ARHGEF26: variants seen among roughly 807,000 people sequenced by gnomAD.
ARHGEF26 encodes Rho guanine nucleotide exchange factor (GEF) 26.
ARHGEF26 carries 59 observed loss-of-function variants against 89.4 expected under a neutral mutation model. That is an observed-to-expected ratio of 0.66 (90% CI 0.54 to 0.82). The LOEUF (loss-of-function observed/expected upper bound fraction) is 0.82. ARHGEF26 is among the 40% of genes least tolerant of loss of function. The pLI is 0.00. For synonymous variants in ARHGEF26, 500 were observed against 428.4 expected, an observed-to-expected ratio of 1.17 and a Z score of -2.06; for missense variants, 1,234 against 1,085.6, an observed-to-expected ratio of 1.14 and a Z score of -1.92.
In ARHGEF26 at chr3:154,256,487, C is replaced by T. The variant is rs1718509948; in HGVS notation, c.*1014C>T. ...GATCCACCAGAGAGGAGATCCTCGG[C>T]CTCCCCAAGTGCTGGGATTATAGGC... On this transcript the variant is annotated 3_prime_UTR_variant, in exon 15 of 15. Coordinates refer to ENST00000465093, the MANE Select transcript of ARHGEF26 (RefSeq NM_015595.4). The T allele has an allele frequency of 1.1e-6, 1 of 927,000 alleles. No homozygotes were observed. Among genetic ancestry groups the T allele is most frequent in the Admixed American group, 6.3e-5 (1 of 15,936 alleles). The allele number at this position is 927,000 out of a possible 1,614,324, so 57.4% of individuals were successfully genotyped here.
intron 4 of ARHGEF26, among the ~76,000 whole-genome samples, chr3:154,141,370 A>G (rs983351532): frequency 6.6e-6 from 1 of 152,192 alleles, no homozygotes; most frequent in Admixed American, 6.5e-5. Context: ...TGGCTCAGCT[A>G]CTTTGCCCCC....
intron 4 of ARHGEF26, among the ~76,000 whole-genome samples, chr3:154,137,200 G>A (rs757627163): frequency 7.2e-5 from 11 of 152,196 alleles, no homozygotes; most frequent in Non-Finnish European, 1.0e-4. Context: ...ATTAACAGCC[G>A]CAGATTACTG....
chr3:154,255,139 C>T (rs139343150), intron 14 of ARHGEF26, among the ~76,000 whole-genome samples, 192 bp from the exon 15 acceptor site: 3 of 152,208 alleles, frequency 2.0e-5, no homozygotes, highest in East Asian at 1.9e-4. Flanking sequence ...CTTCTCACTT[C>T]AGGGCCTCTG....
chr3:154,236,556 G>A (rs1717138561), intron 11 of ARHGEF26, among the ~76,000 whole-genome samples: 1 of 152,306 alleles, frequency 6.6e-6, no homozygotes, highest in East Asian at 1.9e-4. Context: ...TAAACCATAT[G>A]TTTGTTAAAC....
intron 9 of ARHGEF26, among the ~76,000 whole-genome samples, chr3:154,201,839 G>T (rs865829845): frequency 0.041 from 6,196 of 151,972 alleles, 433 homozygotes; most frequent in African/African-American, 0.14. Context: ...TCACCCACTT[G>T]TTGATGGGGT....
intron 3 of ARHGEF26, among the ~76,000 whole-genome samples, chr3:154,125,789 A>G (rs1451153355): frequency 8.6e-5 from 13 of 151,972 alleles, no homozygotes; most frequent in Non-Finnish European, 8.8e-5. Context: ...AATTTTTTTC[A>G]TGTACATACA....
intron 5 of ARHGEF26, among the ~76,000 whole-genome samples, chr3:154,151,550 G>C (rs1272929107): frequency 6.6e-6 from 1 of 152,098 alleles, no homozygotes; most frequent in African/African-American, 2.4e-5. Context: ...TGTATTGATT[G>C]AAAAAATTCA....
chr3:154,209,424 G>A (rs974695098), intron 9 of ARHGEF26, among the ~76,000 whole-genome samples: 1 of 152,130 alleles, frequency 6.6e-6, no homozygotes, highest in African/African-American at 2.4e-5. Flanking sequence ...TTCCAGACAT[G>A]TGAAAGAACT....
chr3:154,226,720 G>A (rs1275934947), intron 11 of ARHGEF26, among the ~76,000 whole-genome samples: 3 of 149,686 alleles, frequency 2.0e-5, no homozygotes, highest in Admixed American at 1.3e-4. Flanking sequence ...CCTTTCTCTA[G>A]GGAACATACT....
intron 6 of ARHGEF26, among the ~76,000 whole-genome samples, chr3:154,170,667 G>A (rs1489795995): frequency 6.6e-6 from 1 of 152,150 alleles, no homozygotes; most frequent in African/African-American, 2.4e-5. Context: ...CTACTTCTTT[G>A]GGTTATTATG....
rs1265372569 is a variant in ARHGEF26 at position 154,129,644 on chromosome 3, C to T, written c.1194C>T (p.Pro398=). 16 of 1,611,586 alleles carry T rather than the reference C, an allele frequency of 9.9e-6. No individual in the cohort carries two copies. The highest frequency in any genetic ancestry group is 1.4e-5 in the Non-Finnish European group (16 of 1,178,850). The change falls in exon 4 of 15, where the codon CCC becomes CCT. Residue 398 remains proline (P), a synonymous_variant. Coordinates refer to ENST00000465093, the MANE Select transcript of ARHGEF26 (RefSeq NM_015595.4). ...TTGATTCTGATGAAGAGTCAGAGCC[C>T]AAAGAACAGAAGTCAGATGAAAAAA... ...LDIDSDEESE[P]KEQKSDEKIV...
chr3:154,165,240 CA>C (rs886976662), intron 6 of ARHGEF26, among the ~76,000 whole-genome samples: 10 of 152,084 alleles, frequency 6.6e-5, no homozygotes, highest in Admixed American at 4.6e-4. Context: ...TCTTCCTGGC[CA>C]ATACCCAGTT....
chr3:154,180,724 T>C (rs965207565), intron 6 of ARHGEF26, among the ~76,000 whole-genome samples: 1 of 55,788 alleles, frequency 1.8e-5, no homozygotes, highest in African/African-American at 7.9e-5. Flanking sequence ...TATCCTCTTA[T>C]TATCAATCCA....
chr3:154,240,520 G>A lies in ARHGEF26; in HGVS notation c.2241G>A (p.Leu747=), dbSNP rs755537643. 7 of 1,613,252 alleles carry A rather than the reference G, an allele frequency of 4.3e-6. No individual in the cohort carries two copies. The South Asian group carries it at 7.7e-5, about 18-fold the overall frequency. ...RQSSASHLFT[L]TVLSNHANEK... is the part of the protein sequence containing the mutation. The stretch of plus-strand genomic sequence containing the variant: ...GCTCTGCCAGTCACCTCTTTACTCT[G>A]ACAGTCCTTAGTAACCACGCGAATG... The change falls in exon 12 of 15, where the codon CTG becomes CTA. Residue 747 remains leucine (L), a synonymous_variant. Transcript: ENST00000465093.
intron 9 of ARHGEF26, among the ~76,000 whole-genome samples, chr3:154,211,938 A>G (rs967799392): frequency 4.6e-5 from 7 of 152,016 alleles, no homozygotes; most frequent in Non-Finnish European, 8.8e-5. Flanking sequence ...TACACTTTCA[A>G]CCATTGTTAG....
chr3:154,170,050 A>C (rs2108136777), intron 6 of ARHGEF26, among the ~76,000 whole-genome samples: 1 of 151,958 alleles, frequency 6.6e-6, no homozygotes, highest in Non-Finnish European at 1.5e-5. Flanking sequence ...GGAATAATTT[A>C]GTTTAGCTAT....
At chr3:154,165,981 T>TC in intron 6 of ARHGEF26, among the ~76,000 whole-genome samples, 1 of 152,316 alleles carries the variant, frequency 6.6e-6, no homozygotes, top group African/African-American at 2.4e-5. Flanking sequence ...AGTGAAAGCC[T>TC]CCTGGGGATG....
chr3:154,178,362 A>G (rs896891140), intron 6 of ARHGEF26, among the ~76,000 whole-genome samples: 1 of 152,104 alleles, frequency 6.6e-6, no homozygotes, highest in Non-Finnish European at 1.5e-5. Flanking sequence ...TCACCTCAAA[A>G]AGAAATGCCC....
intron 9 of ARHGEF26, among the ~76,000 whole-genome samples, chr3:154,209,851 CAGGCCCCAGGTG>C (rs1292803524): frequency 6.6e-6 from 1 of 152,190 alleles, no homozygotes; most frequent in Non-Finnish European, 1.5e-5. Flanking sequence ...GGAGGTCCCC[CAGGCCCCAGGTG>C]GGTCGAGAGG....
Sources: gnomAD v4.1 joint callset for allele counts (sites outside exome capture counted in the v4.1 genomes callset) on GRCh38, gnomAD v4.1.1 for gene constraint, MANE v1.5 for transcripts, NCBI Gene and HGNC (gene_info 2026-07-23, HGNC 2026-07-21) for gene names.